Variants in PTPRQ observed in about 807,000 individuals in gnomAD.
PTPRQ encodes phosphatidylinositol phosphatase PTPRQ.
In PTPRQ, 199 loss-of-function variants were observed where a neutral mutation model predicts 246.0. The observed-to-expected ratio is 0.81, with a 90% confidence interval of 0.72 to 0.91. PTPRQ has a LOEUF of 0.91. Ranked by LOEUF, PTPRQ falls within the 40% of genes least tolerant of loss-of-function variation. The probability of loss-of-function intolerance (pLI) is 0.00; values close to 1 mark genes in which losing one functional copy is unlikely to be tolerated. For synonymous variants in PTPRQ, 869 were observed against 853.2 expected (o/e 1.02, Z -0.32); for missense variants, 2,624 against 2,528.4 (o/e 1.04, Z -0.81).
intron 33 of PTPRQ, among the ~76,000 whole-genome samples, chr12:80,630,297 A>T (rs1592736425): frequency 6.6e-6 from 1 of 152,232 alleles, no homozygotes; most frequent in Middle Eastern, 3.4e-3. Flanking sequence ...TCACGTAGGA[A>T]GTCCCATATT....
At chr12:80,477,217 A>G (rs551315817) in intron 8 of PTPRQ, among the ~76,000 whole-genome samples, 1 of 151,818 alleles carries the variant, frequency 6.6e-6, no homozygotes, top group African/African-American at 2.4e-5. Context: ...TTTTTAAAAT[A>G]TCAGAAAAAA....
chr12:80,663,240 T>C (rs1900686491), intron 39 of PTPRQ, among the ~76,000 whole-genome samples: 1 of 151,974 alleles, frequency 6.6e-6, no homozygotes, highest in South Asian at 2.1e-4. Flanking sequence ...AACAAGATTG[T>C]ATAGGAATAA....
At chr12:80,475,837 A>T (rs185171746) in intron 8 of PTPRQ, among the ~76,000 whole-genome samples, 97 of 152,170 alleles carry the variant, frequency 6.4e-4, no homozygotes, top group African/African-American at 2.3e-3. Context: ...ATATATGCTA[A>T]TTAAAAGATA....
intron 3 of PTPRQ, among the ~76,000 whole-genome samples, chr12:80,450,520 T>C (rs1325441773): frequency 1.3e-5 from 2 of 152,078 alleles, no homozygotes; most frequent in Admixed American, 6.5e-5. Flanking sequence ...GGGTTTGTCA[T>C]AGATAGCTCT....
At position 80,588,373 on chromosome 12, in the gene PTPRQ, T is replaced by A; in HGVS notation, c.4530T>A (p.Tyr1510Ter). ...TVYGLKKFRWYRFQVAASTNA... is the reference protein window; with the variant it reads ...TVYGLKKFRW ...ATGGATTAAAGAAATTTAGATGGTA[T>A]AGATTCCAAGTGGCTGCCAGCACCA... is the stretch of plus-strand genomic sequence containing the variant. Residue 1510 changes from tyrosine (Y) to a stop codon, truncating the protein, a stop_gained, in exon 26 of 45, where the codon TAT becomes TAA. Transcript: ENST00000644991. LOFTEE classifies it high-confidence loss of function. 1 of 1,539,234 alleles carries A rather than the reference T, an allele frequency of 6.5e-7. No individual in the cohort carries two copies. The highest frequency in any genetic ancestry group is 8.8e-7 in the Non-Finnish European group (1 of 1,139,700).
intron 25 of PTPRQ, among the ~76,000 whole-genome samples, chr12:80,562,966 A>G (rs1436285012): frequency 1.3e-5 from 2 of 152,184 alleles, no homozygotes; most frequent in South Asian, 2.1e-4. Flanking sequence ...TACTACAAAC[A>G]GCTCTCACAG....
At chr12:80,569,395 G>T (rs754273070) in intron 25 of PTPRQ, among the ~76,000 whole-genome samples, 1 of 116,476 alleles carries the variant, frequency 8.6e-6, no homozygotes, top group Non-Finnish European at 1.8e-5. Flanking sequence ...GTTGTGGGGT[G>T]GGGGGAGGGG....
intron 25 of PTPRQ, among the ~76,000 whole-genome samples, chr12:80,579,419 G>A (rs557838973): frequency 5.3e-5 from 8 of 152,064 alleles, no homozygotes; most frequent in African/African-American, 7.2e-5. Context: ...ATCTCTCCCC[G>A]TACTCAACCC....
chr12:80,599,278 G>T (rs1450856240), intron 26 of PTPRQ, among the ~76,000 whole-genome samples: 1 of 151,906 alleles, frequency 6.6e-6, no homozygotes, highest in Non-Finnish European at 1.5e-5. Flanking sequence ...GAAGTGATTG[G>T]ATTATGGGGA....
chr12:80,548,254 G>T (rs1351896551), intron 24 of PTPRQ, among the ~76,000 whole-genome samples: 1 of 150,524 alleles, frequency 6.6e-6, no homozygotes, highest in Non-Finnish European at 1.5e-5. Context: ...ATTTTTTTTT[G>T]AGGTTCAAAA....
intron 17 of PTPRQ, among the ~76,000 whole-genome samples, chr12:80,526,571 C>T (rs887410397): frequency 1.4e-4 from 22 of 152,150 alleles, no homozygotes; most frequent in Admixed American, 5.2e-4. Flanking sequence ...TAAAGTTTTG[C>T]CCATCCTCCA....
intron 28 of PTPRQ, among the ~76,000 whole-genome samples, chr12:80,610,847 G>A (rs1268640199): frequency 6.6e-6 from 1 of 150,384 alleles, no homozygotes; most frequent in Non-Finnish European, 1.5e-5. Flanking sequence ...TGTAAATACA[G>A]CAACAATTAA....
intron 36 of PTPRQ, 88 bp downstream of exon 36, chr12:80,649,011 T>C: frequency 7.8e-7 from 1 of 1,274,534 alleles, no homozygotes; most frequent in Non-Finnish European, 1.0e-6. Flanking sequence ...TGATTCACTT[T>C]TTGTATGTTT....
chr12:80,512,049 C>T (rs1895141022), intron 17 of PTPRQ, among the ~76,000 whole-genome samples: 1 of 152,124 alleles, frequency 6.6e-6, no homozygotes, highest in African/African-American at 2.4e-5. Context: ...CTTTGAGCTA[C>T]ATTTGGGAAG....
intron 25 of PTPRQ, among the ~76,000 whole-genome samples, chr12:80,563,797 A>G (rs1463302563): frequency 6.6e-6 from 1 of 152,054 alleles, no homozygotes; most frequent in Non-Finnish European, 1.5e-5. Flanking sequence ...GAAGGGTCTT[A>G]TTACTACTGG....
At position 80,484,414 on chromosome 12, in the gene PTPRQ, T is replaced by G. The variant is rs779634861; in HGVS notation, c.1187-19T>G. 2.6e-6 allele frequency: 4 copies of G among 1,518,694 alleles called. No homozygotes were observed. Among genetic ancestry groups the G allele is most frequent in the Non-Finnish European group, 8.8e-7 (1 of 1,136,896 alleles). The allele number at this position is 1,518,694 out of a possible 1,614,324, so 94.1% of individuals were successfully genotyped here. Reference sequence around the variant, plus strand: ...TTTTAATTTCCCCCTTTTCTTTTCTTTCTTTCTTTCTTTCTTAGTTCCAGG... The same window carrying G: ...TTTTAATTTCCCCCTTTTCTTTTCTGTCTTTCTTTCTTTCTTAGTTCCAGG... On this transcript the variant is annotated intron_variant, in intron 8 of 44. Transcript: ENST00000644991.
rs1224077149 is a variant in PTPRQ at position 80,444,316 on chromosome 12, T to G, written c.-30T>G. The G allele has an allele frequency of 1.7e-6, 2 of 1,194,968 alleles. No homozygotes were observed. Among genetic ancestry groups the G allele is most frequent in the Admixed American group, 4.0e-5 (2 of 49,554 alleles). The allele number at this position is 1,194,968 out of a possible 1,614,324, so 74.0% of individuals were successfully genotyped here. On this transcript the variant is annotated 5_prime_UTR_variant, in exon 1 of 45. It removes the in-frame stop codon of an upstream open reading frame in the 5' UTR. Coordinates refer to ENST00000644991, the MANE Select transcript of PTPRQ (RefSeq NM_001145026.2). ...ACATTTCTCTCTAGAGCCATCAATG[T>G]GATTCTACTGGCTGAAAAATGTAAT...
At chr12:80,531,917 A>G (rs1895855824) in intron 17 of PTPRQ, among the ~76,000 whole-genome samples, 1 of 152,170 alleles carries the variant, frequency 6.6e-6, no homozygotes, top group Non-Finnish European at 1.5e-5. Context: ...GTTTTTATTA[A>G]CATAATTTAT....
At chr12:80,633,426 C>T (rs1030319836) in intron 34 of PTPRQ, among the ~76,000 whole-genome samples, 12 of 152,170 alleles carry the variant, frequency 7.9e-5, no homozygotes, top group African/African-American at 2.9e-4. Flanking sequence ...CATCCTACTT[C>T]CCTTATTATT....
Sources: gnomAD v4.1 joint callset for allele counts (sites outside exome capture counted in the v4.1 genomes callset) on GRCh38, gnomAD v4.1.1 for gene constraint, MANE v1.5 for transcripts, NCBI Gene and HGNC (gene_info 2026-07-23, HGNC 2026-07-21) for gene names.